Variants in GRIP1 observed in about 807,000 individuals in gnomAD.
GRIP1 encodes the protein glutamate receptor interacting protein 1.
GRIP1 carries 45 observed loss-of-function variants against 129.9 expected under a neutral mutation model. That is an observed-to-expected ratio of 0.35 (90% CI 0.27 to 0.44). The LOEUF is 0.44. GRIP1 is among the 20% of genes least tolerant of loss of function. GRIP1 has a pLI of 1.00. For missense variants in GRIP1, 1,196 were observed against 1,396.8 expected (o/e 0.86, Z 2.29); for synonymous variants, 530 against 520.8 (o/e 1.02, Z -0.24).
At chr12:66,604,445 C>A (rs76494732) in intron 1 of GRIP1, among the ~76,000 whole-genome samples, 3,184 of 152,272 alleles carry the variant, frequency 0.021, 111 homozygotes, top group African/African-American at 0.072. Context: ...AGTCACAGAC[C>A]TGCCTCATCA....
At chr12:66,962,795 TAA>T (rs772008755) in intron 1 of GRIP1, among the ~76,000 whole-genome samples, 20 of 152,174 alleles carry the variant, frequency 1.3e-4, no homozygotes, top group Non-Finnish European at 2.8e-4. Context: ...AGTGTTGCCT[TAA>T]GTTTGTAATC....
chr12:66,453,690 T>C (rs2058872355), intron 11 of GRIP1, among the ~76,000 whole-genome samples: 1 of 152,180 alleles, frequency 6.6e-6, no homozygotes, highest in African/African-American at 2.4e-5. Context: ...AATGAAGTAA[T>C]TCTTCCTATT....
chr12:66,406,559 A>T, intron 15 of GRIP1, 131 bp from the exon 16 acceptor site: 1 of 896,360 alleles, frequency 1.1e-6, no homozygotes, highest in Non-Finnish European at 1.8e-6. Flanking sequence ...TTTAAATTGT[A>T]CTTCATTGAC....
intron 1 of GRIP1, among the ~76,000 whole-genome samples, chr12:66,826,774 A>G (rs1177443628): frequency 7.2e-6 from 1 of 139,828 alleles, no homozygotes; most frequent in African/African-American, 3.4e-5. Context: ...AAATGCCATT[A>G]AACTGAATTA....
At chr12:66,903,071 A>G (rs2040868959) in intron 1 of GRIP1, among the ~76,000 whole-genome samples, 1 of 152,070 alleles carries the variant, frequency 6.6e-6, no homozygotes, top group African/African-American at 2.4e-5. Flanking sequence ...AACTAGTCAA[A>G]TTCTGAAATA....
At chr12:66,680,586 T>C (rs968168500), upstream of GRIP1, among the ~76,000 whole-genome samples, 6 of 152,190 alleles carry the variant, frequency 3.9e-5, no homozygotes, top group Non-Finnish European at 7.4e-5. Flanking sequence ...ACCCATATTA[T>C]GTTCATCTCT....
intron 1 of GRIP1, among the ~76,000 whole-genome samples, chr12:66,694,785 C>T (rs1020643531): frequency 5.9e-5 from 9 of 152,090 alleles, no homozygotes; most frequent in Non-Finnish European, 1.0e-4. Flanking sequence ...ATTACTATTC[C>T]TGAGATGCTT....
rs763550450 is a variant in GRIP1, at chr12:66,678,845, G to A, written c.55+5C>T. ...GCTGAGGGAATAACAAGGAAAGCAC[G>A]ATACCTTTAGTAAGTCGCCTCAGAA... On this transcript the variant is annotated splice_donor_5th_base_variant and intron_variant, in intron 1 of 24. Coordinates refer to ENST00000359742, the MANE Select transcript of GRIP1 (RefSeq NM_001366722.1). 1.1e-5 allele frequency: 17 copies of A among 1,612,408 alleles called. No homozygotes were observed. Among genetic ancestry groups the A allele is most frequent in the African/African-American group, 2.7e-5 (2 of 74,868 alleles).
intron 1 of GRIP1, among the ~76,000 whole-genome samples, chr12:66,976,692 A>G (rs1224568294): frequency 1.3e-5 from 2 of 152,194 alleles, no homozygotes; most frequent in African/African-American, 4.8e-5. Flanking sequence ...TGAACAGCTG[A>G]GTCCATTCAA....
chr12:67,064,897 C>T lies in GRIP1; in HGVS notation c.58+4153G>A, dbSNP rs2043596336. 3 of 113,394 alleles carry T rather than the reference C, an allele frequency of 2.6e-5. No individual in the cohort carries two copies. The South Asian group carries it at 1.2e-3, about 45-fold the overall frequency. 7.0% of individuals were successfully genotyped at this position (113,394 alleles called of 1,614,324 possible). On this transcript the variant is annotated intron_variant, in intron 1 of 1. Coordinates refer to the GRIP1 transcript ENST00000643019. ...AGGTATATCTCCCAATGCTATCCCT[C>T]CCCCCTCCCCCCACCCCACAACAAT...
intron 1 of GRIP1, among the ~76,000 whole-genome samples, chr12:66,877,637 A>C (rs2137177478): frequency 6.6e-6 from 1 of 152,214 alleles, no homozygotes; most frequent in South Asian, 2.1e-4. Flanking sequence ...ATTTCTGGAA[A>C]TTCTCTAATT....
chr12:67,045,233 A>G (rs552370393), intron 1 of GRIP1, among the ~76,000 whole-genome samples: 1 of 152,318 alleles, frequency 6.6e-6, no homozygotes, highest in East Asian at 1.9e-4. Context: ...TGAAGTAATT[A>G]GTCAGCAAAA....
intron 1 of GRIP1, among the ~76,000 whole-genome samples, chr12:66,789,482 C>T (rs1436127388): frequency 1.3e-5 from 2 of 151,966 alleles, no homozygotes; most frequent in Non-Finnish European, 2.9e-5. Context: ...CCAAAAAGGA[C>T]AATGTATGTT....
chr12:67,015,840 T>C (rs921193809), intron 1 of GRIP1, among the ~76,000 whole-genome samples: 1 of 152,102 alleles, frequency 6.6e-6, no homozygotes, highest in Non-Finnish European at 1.5e-5. Flanking sequence ...AAATCAGAAA[T>C]ATTATCCCCA....
chr12:66,968,339 T>G (rs951187850), intron 1 of GRIP1, among the ~76,000 whole-genome samples: 4 of 152,100 alleles, frequency 2.6e-5, no homozygotes, highest in African/African-American at 9.7e-5. Flanking sequence ...GCTTTATATT[T>G]AAAGTGGGCT....
intron 5 of GRIP1, among the ~76,000 whole-genome samples, chr12:66,522,977 G>GA (rs1181499876): frequency 2.6e-5 from 4 of 152,078 alleles, no homozygotes; most frequent in Admixed American, 1.3e-4. Flanking sequence ...GAAATTCAGA[G>GA]AAAAAAGAAT....
chr12:67,050,540 A>G (rs182511370), intron 1 of GRIP1, among the ~76,000 whole-genome samples: 1 of 152,360 alleles, frequency 6.6e-6, no homozygotes, highest in East Asian at 1.9e-4. Flanking sequence ...TAGAGGAAAG[A>G]TTTTAATTAG....
intron 1 of GRIP1, among the ~76,000 whole-genome samples, chr12:67,023,575 T>C (rs1241440357): frequency 2.0e-5 from 3 of 152,142 alleles, no homozygotes; most frequent in Admixed American, 2.0e-4. Context: ...CTTTTTTTTT[T>C]CAGTTGTTTT....
At chr12:66,786,696 C>T (rs12230940) in intron 1 of GRIP1, among the ~76,000 whole-genome samples, 7,292 of 152,124 alleles carry the variant, frequency 0.048, 254 homozygotes, top group South Asian at 0.13. Flanking sequence ...TCTATTGGCT[C>T]TCCAGACATA....
Sources: gnomAD v4.1 joint callset for allele counts (sites outside exome capture counted in the v4.1 genomes callset) on GRCh38, gnomAD v4.1.1 for gene constraint, MANE v1.5 for transcripts, NCBI Gene and HGNC (gene_info 2026-07-23, HGNC 2026-07-21) for gene names.